Variants in TPO observed in about 807,000 individuals in gnomAD.
The protein encoded by TPO is thyroid microsomal antigen.
In TPO, 78 loss-of-function variants were observed where a neutral mutation model predicts 96.9. The ratio of observed to expected loss-of-function variants is 0.81; its 90% CI spans 0.67 to 0.97. TPO has a LOEUF of 0.97. Ranked by LOEUF, TPO falls within the 50% of genes least tolerant of loss-of-function variation. TPO has a pLI of 0.00. For synonymous variants in TPO, 547 were observed against 538.0 expected (o/e 1.02, Z -0.23); for missense variants, 1,252 against 1,274.8 (o/e 0.98, Z 0.27).
At chr2:1,405,112 T>A (rs1332984047) in intron 1 of TPO, among the ~76,000 whole-genome samples, 1 of 124,274 alleles carries the variant, frequency 8.0e-6, no homozygotes, top group Non-Finnish European at 1.6e-5. Flanking sequence ...ACCCATTCAA[T>A]CATCATTCGC....
chr2:1,415,424 G>C (rs1236656466), intron 2 of TPO, among the ~76,000 whole-genome samples: 1 of 139,084 alleles, frequency 7.2e-6, no homozygotes, highest in African/African-American at 2.7e-5. Context: ...ACAGCTCACC[G>C]GGCAGGTCCC....
rs1363263274 is a variant in TPO at position 1,537,509 on chromosome 2, C to G, written c.2619-3085C>G. On this transcript the variant is annotated intron_variant, in intron 15 of 16. Coordinates refer to ENST00000329066, the MANE Select transcript of TPO (RefSeq NM_001206744.2). Reference sequence around the variant, plus strand: ...TCTGTGCAGCCTCCCCAAATCCCCCCAACTCTGTGCAACCTCCGCCTATCC... The same window carrying G: ...TCTGTGCAGCCTCCCCAAATCCCCCGAACTCTGTGCAACCTCCGCCTATCC... 5.8e-3 allele frequency among the ~76,000 whole-genome samples: 259 copies of G among 44,802 alleles called. 3 individuals are homozygous for G. Among genetic ancestry groups the G allele is most frequent in the African/African-American group, 0.017 (154 of 8,880 alleles). The allele number at this position is 44,802 out of a possible 152,430, so 29.4% of individuals were successfully genotyped here.
At chr2:1,477,062 C>A (rs1330847249) in intron 7 of TPO, 24 bp from the exon 8 acceptor site, 3 of 1,595,596 alleles carry the variant, frequency 1.9e-6, no homozygotes, top group East Asian at 2.2e-5. Context: ...CCCTGGGTGA[C>A]CTTGAACTCC....
intron 1 of TPO, among the ~76,000 whole-genome samples, chr2:1,395,266 C>G (rs1662062523): frequency 6.6e-6 from 1 of 152,100 alleles, no homozygotes; most frequent in Admixed American, 6.5e-5. Flanking sequence ...CCCAACCAGC[C>G]AGCCACACTG....
upstream of TPO, among the ~76,000 whole-genome samples, chr2:1,409,140 C>T (rs113424255): frequency 0.018 from 2,683 of 152,212 alleles, 28 homozygotes; most frequent in Non-Finnish European, 0.025. Flanking sequence ...AGACTGCCGT[C>T]CCCAGAGTCC....
Position 1,414,420 on chromosome 2 carries a change from C to G in TPO, c.12C>G (p.Leu4=), listed in dbSNP as rs9678281. ...CCGTTAATTTTAGAATGAGAGCGCT[C>G]GCTGTGCTGTCTGTCACGCTGGTTA... The part of the protein sequence containing the change: MRA[L]AVLSVTLVMA... The change falls in exon 2 of 17, where the codon CTC becomes CTG. Residue 4 remains leucine, a synonymous_variant. Transcript: ENST00000329066. The G allele has an allele frequency of 0.37, 600,183 of 1,611,858 alleles. 113,519 individuals are homozygous for G. The highest frequency in any genetic ancestry group is 0.41 in the Admixed American group (24,699 of 59,900).
chr2:1,400,568 C>CAAAAAAAAAAAAAAAA (rs34242408), intron 1 of TPO, among the ~76,000 whole-genome samples: 14 of 71,602 alleles, frequency 2.0e-4, no homozygotes, highest in African/African-American at 7.1e-4. Flanking sequence ...GACTCTGTCT[C>CAAAAAAAAAAAAAAAA]AAAAAAAAAA....
At chr2:1,480,695 G>A (rs1356702986) in intron 8 of TPO, among the ~76,000 whole-genome samples, 1 of 148,602 alleles carries the variant, frequency 6.7e-6, no homozygotes, top group Non-Finnish European at 1.5e-5. Flanking sequence ...TCCTCCATCT[G>A]TCCACACCAC....
chr2:1,485,545 T>C (rs548493889), intron 9 of TPO, among the ~76,000 whole-genome samples: 1 of 151,530 alleles, frequency 6.6e-6, no homozygotes, highest in African/African-American at 2.5e-5. Context: ...ATTCCTTTTC[T>C]CCACATCCTC....
chr2:1,430,897 T>C (rs1173348325), intron 3 of TPO, among the ~76,000 whole-genome samples: 4 of 152,234 alleles, frequency 2.6e-5, no homozygotes, highest in Non-Finnish European at 4.4e-5. Flanking sequence ...AACTGCTTTT[T>C]TATCTCAGAG....
At position 1,540,699 on chromosome 2, in the gene TPO, G is replaced by A; in HGVS notation, c.2724G>A (p.Arg908=). Reference sequence around the variant, plus strand: ...AGGCCGTAGGGACCTCACCGCAGCGGGCCGCAGCTCAGGACTCGGAGCAGG... The same window carrying A: ...AGGCCGTAGGGACCTCACCGCAGCGAGCCGCAGCTCAGGACTCGGAGCAGG... ...KHQAVGTSPQ[R]AAAQDSEQES... The change falls in exon 16 of 17, where the codon CGG becomes CGA. Residue 908 remains arginine (R), a synonymous_variant. Transcript: ENST00000329066. 6.2e-7 allele frequency: 1 copy of A among 1,613,396 alleles called. No homozygotes were observed. The highest frequency in any genetic ancestry group is 8.5e-7 in the Non-Finnish European group (1 of 1,180,048).
At chr2:1,524,716 T>TC (rs1676035394) in intron 15 of TPO, among the ~76,000 whole-genome samples, 2 of 69,998 alleles carry the variant, frequency 2.9e-5, no homozygotes, top group Non-Finnish European at 2.8e-5. Context: ...CTCCCCACAT[T>TC]CCCCCCAGTG....
At chr2:1,538,035 C>CA (rs1313220615) in intron 15 of TPO, among the ~76,000 whole-genome samples, 101 of 108,148 alleles carry the variant, frequency 9.3e-4, no homozygotes, top group African/African-American at 5.0e-3. Context: ...TCAAGTCCCC[C>CA]CACTGTGTGC....
At chr2:1,419,510 C>T (rs576457397) in intron 2 of TPO, among the ~76,000 whole-genome samples, 71 of 152,122 alleles carry the variant, frequency 4.7e-4, no homozygotes, top group African/African-American at 1.5e-3. Context: ...AACATAAATC[C>T]GCAAAAGTGA....
chr2:1,540,620 TGCCCATCTCGGAGACAG>T lies in TPO; in HGVS notation c.2648_2664del (p.Pro883ArgfsTer92). ...ACACGCACTGGCACTAAATCCACAC[TGCCCATCTCGGAGACAG>T]GCGGAGGAACTCCCGAGCTGAGATG... On this transcript the variant is annotated frameshift_variant, in exon 16 of 17. Coordinates refer to ENST00000329066, the MANE Select transcript of TPO (RefSeq NM_001206744.2). LOFTEE classifies it high-confidence loss of function. The T allele has an allele frequency of 1.2e-6, 2 of 1,613,546 alleles. No individual in the cohort carries two copies. The highest frequency in any genetic ancestry group is 1.7e-6 in the Non-Finnish European group (2 of 1,180,018).
chr2:1,540,805 G>C (rs1680666619), intron 16 of TPO, 82 bp downstream of exon 16: 3 of 1,609,310 alleles, frequency 1.9e-6, no homozygotes, highest in Non-Finnish European at 2.5e-6. Flanking sequence ...CTCTGCTGGG[G>C]CTCCCTGCAT....
chr2:1,443,011 G>T (rs1666342934), intron 5 of TPO, among the ~76,000 whole-genome samples: 1 of 152,164 alleles, frequency 6.6e-6, no homozygotes, highest in African/African-American at 2.4e-5. Flanking sequence ...TGAGGTCGGG[G>T]GATCGCTTGA....
intron 9 of TPO, among the ~76,000 whole-genome samples, chr2:1,485,417 G>A (rs1162083770): frequency 1.3e-5 from 2 of 152,160 alleles, no homozygotes; most frequent in African/African-American, 4.8e-5. Flanking sequence ...TTGGGTATAT[G>A]CCAAGTAATT....
intron 8 of TPO, among the ~76,000 whole-genome samples, chr2:1,482,465 G>T (rs547441981): frequency 9.9e-5 from 15 of 152,256 alleles, no homozygotes; most frequent in African/African-American, 3.1e-4. Context: ...ACATGGCACC[G>T]CCAGCAGAGG....
Sources: gnomAD v4.1 joint callset for allele counts (sites outside exome capture counted in the v4.1 genomes callset) on GRCh38, gnomAD v4.1.1 for gene constraint, MANE v1.5 for transcripts, NCBI Gene and HGNC (gene_info 2026-07-23, HGNC 2026-07-21) for gene names.